Variants in BMPR2 observed in about 807,000 individuals in gnomAD.
BMPR2 encodes bone morphogenetic protein receptor type 2.
Under a neutral mutation model 100.8 loss-of-function variants are expected in BMPR2, and 29 were observed. The ratio of observed to expected loss-of-function variants is 0.29; its 90% CI spans 0.21 to 0.39. The LOEUF (loss-of-function observed/expected upper bound fraction) is 0.39, where lower values mean the gene tolerates loss of function less well. Ranked by LOEUF, BMPR2 falls within the 10% of genes least tolerant of loss-of-function variation. The pLI, the probability that BMPR2 is intolerant of heterozygous loss-of-function variation, is 1.00. For missense variants in BMPR2, 1,011 were observed against 1,274.5 expected (o/e 0.79, Z 3.15); for synonymous variants, 382 against 442.3 (o/e 0.86, Z 1.71).
At chr2:202,401,997 C>T (rs1690776609) in intron 1 of BMPR2, among the ~76,000 whole-genome samples, 1 of 152,208 alleles carries the variant, frequency 6.6e-6, no homozygotes, top group Admixed American at 6.5e-5. Context: ...CTCGTGGGTC[C>T]TCTGTCTTTT....
intron 3 of BMPR2, among the ~76,000 whole-genome samples, chr2:202,512,984 A>T (rs1436016450): frequency 1.3e-5 from 2 of 151,054 alleles, no homozygotes; most frequent in East Asian, 3.9e-4. Context: ...TTTTTTAAAG[A>T]AACAGAGTCT....
At chr2:202,404,441 C>T (rs1216944512) in intron 1 of BMPR2, among the ~76,000 whole-genome samples, 4 of 152,100 alleles carry the variant, frequency 2.6e-5, no homozygotes, top group African/African-American at 9.7e-5. Flanking sequence ...GGTGATTCGC[C>T]CGCCTTGGCC....
In BMPR2 at chr2:202,388,607, A is replaced by G. The variant is rs1313881718; in HGVS notation, c.76+11057A>G. ...AGACTAGCCTGGCTAACACGGTGAA[A>G]CCCCGTCTCTACAACAAAATACAAA... On this transcript the variant is annotated intron_variant, in intron 1 of 12. Coordinates refer to ENST00000374580, the MANE Select transcript of BMPR2 (RefSeq NM_001204.7). Among the ~76,000 whole-genome samples the G allele has an allele frequency of 2.6e-5, 4 of 151,462 alleles. No individual in the cohort carries two copies. The South Asian group carries it at 8.4e-4, about 32-fold the overall frequency.
intron 9 of BMPR2, among the ~76,000 whole-genome samples, chr2:202,534,958 C>T (rs1478682650): frequency 2.7e-5 from 3 of 110,136 alleles, no homozygotes; most frequent in South Asian, 5.7e-4. Flanking sequence ...GGGCTGACCC[C>T]CCCCACCTCC....
chr2:202,523,744 C>T (rs1346607049), intron 7 of BMPR2, among the ~76,000 whole-genome samples: 1 of 151,952 alleles, frequency 6.6e-6, no homozygotes, highest in Non-Finnish European at 1.5e-5. Flanking sequence ...GCAGAAGTTG[C>T]GGTGAGCCAA....
intron 3 of BMPR2, among the ~76,000 whole-genome samples, chr2:202,482,832 C>T (rs1181203839): frequency 2.6e-5 from 4 of 152,158 alleles, no homozygotes; most frequent in African/African-American, 9.7e-5. Context: ...AGCCACCACA[C>T]CCGGCTGCTA....
At chr2:202,541,877 C>T (rs1380347748) in intron 9 of BMPR2, among the ~76,000 whole-genome samples, 4 of 151,988 alleles carry the variant, frequency 2.6e-5, no homozygotes, top group Admixed American at 2.6e-4. Flanking sequence ...TTTAGGAGGC[C>T]GAGGCTGGTG....
At chr2:202,434,908 A>AATATATATATACATAT (rs1691580754) in intron 1 of BMPR2, among the ~76,000 whole-genome samples, 1 of 38,414 alleles carries the variant, frequency 2.6e-5, no homozygotes, top group Non-Finnish European at 4.4e-5. Context: ...AAAAAAAAAA[A>AATATATATATACATAT]ATATATATAT....
At chr2:202,440,541 C>T (rs982740051) in intron 1 of BMPR2, among the ~76,000 whole-genome samples, 5 of 149,214 alleles carry the variant, frequency 3.4e-5, no homozygotes, top group Admixed American at 2.0e-4. Flanking sequence ...CAGGCAGAGA[C>T]GCTCCTCACT....
At chr2:202,460,328 G>T (rs931259483) in intron 1 of BMPR2, among the ~76,000 whole-genome samples, 1 of 152,002 alleles carries the variant, frequency 6.6e-6, no homozygotes, top group Admixed American at 6.6e-5. Flanking sequence ...CCATAAAAAA[G>T]AATTCTTAAA....
At chr2:202,442,098 T>C (rs1559039824) in intron 1 of BMPR2, among the ~76,000 whole-genome samples, 1 of 149,908 alleles carries the variant, frequency 6.7e-6, no homozygotes, top group Non-Finnish European at 1.5e-5. Flanking sequence ...CTTGGGGGAG[T>C]CACGTACTTC....
At chr2:202,414,520 G>GA (rs1691083351) in intron 1 of BMPR2, among the ~76,000 whole-genome samples, 1 of 152,226 alleles carries the variant, frequency 6.6e-6, no homozygotes, top group African/African-American at 2.4e-5. Context: ...AAGACAGGCT[G>GA]AAAGCTAGGC....
chr2:202,441,443 G>A (rs1161283643), intron 1 of BMPR2, among the ~76,000 whole-genome samples: 2 of 149,346 alleles, frequency 1.3e-5, no homozygotes, highest in African/African-American at 5.1e-5. Flanking sequence ...GGTGGCTCAC[G>A]CCTGTAATCC....
At chr2:202,429,729 A>G (rs932354398) in intron 1 of BMPR2, among the ~76,000 whole-genome samples, 4 of 152,120 alleles carry the variant, frequency 2.6e-5, no homozygotes, top group Admixed American at 6.6e-5. Context: ...GAAACTTACA[A>G]TCGTGGCAGA....
At chr2:202,533,855 T>C (rs1321396542) in intron 9 of BMPR2, among the ~76,000 whole-genome samples, 1 of 152,118 alleles carries the variant, frequency 6.6e-6, no homozygotes, top group African/African-American at 2.4e-5. Flanking sequence ...TTTAAGTGAA[T>C]GTTTGTTTGA....
intron 10 of BMPR2, among the ~76,000 whole-genome samples, chr2:202,547,255 T>A (rs1284990591): frequency 6.6e-6 from 1 of 152,178 alleles, no homozygotes; most frequent in Admixed American, 6.5e-5. Context: ...TCACCCATAC[T>A]ATAGTGCAGG....
At chr2:202,450,951 T>C (rs1691966645) in intron 1 of BMPR2, among the ~76,000 whole-genome samples, 1 of 152,182 alleles carries the variant, frequency 6.6e-6, no homozygotes, top group African/African-American at 2.4e-5. Context: ...ATTTGCCCCA[T>C]TACTGCAAGG....
chr2:202,549,519 T>C (rs1479939358), intron 10 of BMPR2, among the ~76,000 whole-genome samples: 10 of 152,080 alleles, frequency 6.6e-5, no homozygotes, highest in Admixed American at 6.6e-4. Flanking sequence ...ACTGCCAGTT[T>C]TTGTGACCGG....
At chr2:202,490,036 C>T (rs767372776) in intron 3 of BMPR2, among the ~76,000 whole-genome samples, 7 of 152,150 alleles carry the variant, frequency 4.6e-5, no homozygotes, top group Non-Finnish European at 1.0e-4. Context: ...CTGGGACCCA[C>T]GATCAAGGGG....
Sources: allele counts gnomAD v4.1 joint callset (sites outside exome capture counted in the v4.1 genomes callset), GRCh38; gene constraint gnomAD v4.1.1; transcripts MANE v1.5; gene names NCBI Gene and HGNC (gene_info 2026-07-23, HGNC 2026-07-21).